Variants in RNF149 observed in about 807,000 individuals in gnomAD.
The protein encoded by RNF149 is E3 ubiquitin-protein ligase RNF149.
In RNF149, 21 loss-of-function variants were observed where a neutral mutation model predicts 39.0. That is an observed-to-expected ratio of 0.54 (90% CI 0.38 to 0.77). The LOEUF is 0.77. RNF149 is among the 30% of genes least tolerant of loss of function. The pLI is 0.00. For missense variants in RNF149, 493 were observed against 534.9 expected, an observed-to-expected ratio of 0.92 and a Z score of 0.77; for synonymous variants, 209 against 213.6, an observed-to-expected ratio of 0.98 and a Z score of 0.19.
At chr2:101,272,571 A>T (rs1682168528), downstream of RNF149, among the ~76,000 whole-genome samples, 1 of 152,258 alleles carries the variant, frequency 6.6e-6, no homozygotes, top group Non-Finnish European at 1.5e-5. Flanking sequence ...TATTAACTAC[A>T]AAACTAGTTT....
At chr2:101,299,738 T>C (rs990449328) in intron 1 of RNF149, among the ~76,000 whole-genome samples, 2 of 152,210 alleles carry the variant, frequency 1.3e-5, no homozygotes. Context: ...CTTTGTGTGG[T>C]AATGGGGAAG....
At chr2:101,278,616 G>C (rs1352068580) in intron 6 of RNF149, among the ~76,000 whole-genome samples, 2 of 152,104 alleles carry the variant, frequency 1.3e-5, no homozygotes, top group Admixed American at 6.5e-5. Context: ...TGTATACATT[G>C]TGGAATGGCT....
intron 1 of RNF149, among the ~76,000 whole-genome samples, chr2:101,304,017 T>C (rs2104438387): frequency 6.6e-6 from 1 of 152,342 alleles, no homozygotes; most frequent in East Asian, 1.9e-4. Flanking sequence ...GCCAATATCC[T>C]GTAAAAGCTT....
At chr2:101,301,892 G>A (rs1430102747) in intron 1 of RNF149, among the ~76,000 whole-genome samples, 1 of 152,160 alleles carries the variant, frequency 6.6e-6, no homozygotes, top group Non-Finnish European at 1.5e-5. Flanking sequence ...GGCAGTTACT[G>A]AAATATTTAA....
At chr2:101,300,564 G>C (rs1328386154) in intron 1 of RNF149, among the ~76,000 whole-genome samples, 1 of 151,834 alleles carries the variant, frequency 6.6e-6, no homozygotes, top group Non-Finnish European at 1.5e-5. Flanking sequence ...TGTAATCCCA[G>C]CACTTTGGGA....
At chr2:101,279,420 G>C (rs1682487771) in intron 6 of RNF149, among the ~76,000 whole-genome samples, 1 of 152,230 alleles carries the variant, frequency 6.6e-6, no homozygotes, top group South Asian at 2.1e-4. Flanking sequence ...AAAATCTGGA[G>C]GCTGCTCTTG....
At chr2:101,298,737 T>C (rs1364438872) in intron 1 of RNF149, among the ~76,000 whole-genome samples, 6 of 152,166 alleles carry the variant, frequency 3.9e-5, no homozygotes, top group African/African-American at 1.4e-4. Flanking sequence ...CTCTGGAAGG[T>C]TACCCCAGAG....
Position 101,304,175 on chromosome 2 carries a change from T to C in RNF149, c.460+3954A>G, listed in dbSNP as rs150659925. ...ACTGTGGGAGGCCAAGACAGGCAGA[T>C]CACTTGAGCTGAGGAGTTCGAGAAC... On this transcript the variant is annotated intron_variant, in intron 1 of 6. Coordinates refer to ENST00000295317, the MANE Select transcript of RNF149 (RefSeq NM_173647.4). 3.9e-5 allele frequency among the ~76,000 whole-genome samples: 6 copies of C among 152,292 alleles called. No homozygotes were observed. The East Asian group carries it at 1.2e-3, about 29-fold the overall frequency.
At chr2:101,282,753 C>A (rs990755249) in intron 5 of RNF149, among the ~76,000 whole-genome samples, 1 of 152,138 alleles carries the variant, frequency 6.6e-6, no homozygotes, top group African/African-American at 2.4e-5. Context: ...GGGGTTACTG[C>A]AGGTTGACTA....
At chr2:101,307,972 C>G in intron 1 of RNF149, 157 bp downstream of exon 1, 1 of 985,472 alleles carries the variant, frequency 1.0e-6, no homozygotes, top group African/African-American at 1.7e-5. Context: ...GGGAGCCGCA[C>G]CGAGCAAACG....
chr2:101,285,061 A>C (rs1682742934), intron 5 of RNF149, among the ~76,000 whole-genome samples: 1 of 151,658 alleles, frequency 6.6e-6, no homozygotes, highest in Non-Finnish European at 1.5e-5. Context: ...TATCCGGCTA[A>C]TTTTTTTTGT....
chr2:101,286,179 TAA>T lies in RNF149; in HGVS notation c.864-4_864-3del. On this transcript the variant is annotated splice_polypyrimidine_tract_variant and splice_region_variant and intron_variant, in intron 4 of 6. Coordinates refer to ENST00000295317, the MANE Select transcript of RNF149 (RefSeq NM_173647.4). Reference sequence around the variant, plus strand: ...ATGCATATTCTATGAAAAATATGCCTAAAAAGATTAAGTATGTGTTAATGTTT... The same window carrying T: ...ATGCATATTCTATGAAAAATATGCCTAAAGATTAAGTATGTGTTAATGTTT... 1 of 1,542,040 alleles carries T rather than the reference TAA, an allele frequency of 6.5e-7. No individual in the cohort carries two copies. Among genetic ancestry groups the T allele is most frequent in the Non-Finnish European group, 9.0e-7 (1 of 1,115,950 alleles).
Position 101,298,791 on chromosome 2 carries a change from C to G in RNF149, c.461-3610G>C, listed in dbSNP as rs931354756. 2.0e-5 allele frequency among the ~76,000 whole-genome samples: 3 copies of G among 152,212 alleles called. 1 individual carries two copies. The highest frequency in any genetic ancestry group is 4.4e-5 in the Non-Finnish European group (3 of 68,038). ...TTCTGGGGAGAGGCGCTTCGGGATG[C>G]AGGACAGGCTGGGGGGTCTTATTTG... On this transcript the variant is annotated intron_variant, in intron 1 of 6. Coordinates refer to ENST00000295317, the MANE Select transcript of RNF149 (RefSeq NM_173647.4).
downstream of RNF149, among the ~76,000 whole-genome samples, chr2:101,275,140 C>T (rs192302532): frequency 0.03 from 1,334 of 43,808 alleles, 32 homozygotes; most frequent in African/African-American, 0.11. Flanking sequence ...TTTTTTGAGG[C>T]GGAGTCTTGC....
chr2:101,288,964 A>C lies in RNF149; in HGVS notation c.863+9T>G, dbSNP rs371951564. ...ATTTTTAACATCTCAATATGTAAAA[A>C]GAACATACTTGCATGGCAGAATTCT... On this transcript the variant is annotated intron_variant, in intron 4 of 6. Transcript: ENST00000295317. 81 of 1,404,476 alleles carry C rather than the reference A, an allele frequency of 5.8e-5. No homozygotes were observed. Among genetic ancestry groups the C allele is most frequent in the Non-Finnish European group, 5.0e-6 (5 of 997,694 alleles). 87.0% of individuals were successfully genotyped at this position (1,404,476 alleles called of 1,614,324 possible).
chr2:101,272,981 G>A, downstream of RNF149: 1 of 1,352,352 alleles, frequency 7.4e-7, no homozygotes, highest in South Asian at 1.1e-5. Flanking sequence ...TTGTCATCGT[G>A]TGCCCATGGA....
Position 101,308,278 on chromosome 2 carries a change from C to T in RNF149, c.311G>A (p.Arg104Gln). The T allele has an allele frequency of 6.3e-7, 1 of 1,577,166 alleles. No individual in the cohort carries two copies. Among genetic ancestry groups the T allele is most frequent in the Non-Finnish European group, 8.6e-7 (1 of 1,163,944 alleles). The change falls in exon 1 of 7, where the codon CGA becomes CAA. Residue 104 changes from arginine (R) to glutamine (Q), a missense_variant. Coordinates refer to ENST00000295317, the MANE Select transcript of RNF149 (RefSeq NM_173647.4). Reference protein sequence around the residue: ...TRFFVPEPGGRGAAPWVALVA... With the variant: ...TRFFVPEPGGQGAAPWVALVA... ...CAGGGCGACCCAGGGCGCGGCCCCT[C>T]GGCCGCCGGGCTCGGGCACGAAGAA... is the stretch of plus-strand genomic sequence containing the variant.
intron 5 of RNF149, among the ~76,000 whole-genome samples, chr2:101,284,233 T>G (rs749434000): frequency 3.3e-5 from 5 of 152,216 alleles, no homozygotes; most frequent in Non-Finnish European, 5.9e-5. Flanking sequence ...AACACTGACC[T>G]CCACCTTCCT....
At chr2:101,290,713 G>A (rs756565438) in intron 3 of RNF149, among the ~76,000 whole-genome samples, 5 of 152,190 alleles carry the variant, frequency 3.3e-5, no homozygotes, top group Admixed American at 6.5e-5. Context: ...TGACAAATTA[G>A]AGTAAGTTAC....
Sources: gnomAD v4.1 joint callset for allele counts (sites outside exome capture counted in the v4.1 genomes callset) on GRCh38, gnomAD v4.1.1 for gene constraint, MANE v1.5 for transcripts, NCBI Gene and HGNC (gene_info 2026-07-23, HGNC 2026-07-21) for gene names.